Variants in NXPH1 observed in about 807,000 individuals in gnomAD.
NXPH1 encodes the protein neurexophilin-1.
NXPH1 carries 5 observed loss-of-function variants against 23.7 expected under a neutral mutation model. The observed-to-expected ratio is 0.21, with a 90% confidence interval of 0.11 to 0.44. The LOEUF is 0.44. Ranked by LOEUF, NXPH1 falls within the 20% of genes least tolerant of loss-of-function variation. NXPH1 has a pLI of 0.99. For missense variants in NXPH1, 324 were observed against 321.6 expected (o/e 1.01, Z -0.06); for synonymous variants, 144 against 122.2 (o/e 1.18, Z -1.18).
chr7:8,605,790 C>A (rs2128628369), intron 2 of NXPH1, among the ~76,000 whole-genome samples: 1 of 152,096 alleles, frequency 6.6e-6, no homozygotes, highest in Non-Finnish European at 1.5e-5. Context: ...GAAAAAGCAT[C>A]AAAAGGCATC....
chr7:8,701,006 C>T (rs192015768), intron 2 of NXPH1, among the ~76,000 whole-genome samples: 2 of 151,996 alleles, frequency 1.3e-5, no homozygotes, highest in East Asian at 3.9e-4. Flanking sequence ...TTTTTTGGAA[C>T]ACAGCCACAC....
At chr7:8,514,917 G>A (rs1275656646) in intron 2 of NXPH1, among the ~76,000 whole-genome samples, 3 of 151,964 alleles carry the variant, frequency 2.0e-5, no homozygotes, top group Non-Finnish European at 4.4e-5. Flanking sequence ...AATGTTTTAC[G>A]GTCAGTTTAA....
At chr7:8,484,573 G>T (rs1034538867) in intron 2 of NXPH1, among the ~76,000 whole-genome samples, 5 of 152,130 alleles carry the variant, frequency 3.3e-5, no homozygotes, top group Admixed American at 3.3e-4. Flanking sequence ...GTTTTAAACT[G>T]TATGCAACAT....
In NXPH1 at chr7:8,479,491, C is replaced by T. The variant is rs557728188; in HGVS notation, c.54+43724C>T. 7.3e-4 allele frequency among the ~76,000 whole-genome samples: 111 copies of T among 152,228 alleles called. 1 individual carries two copies. Among genetic ancestry groups the T allele is most frequent in the African/African-American group, 2.5e-3 (106 of 41,570 alleles). On this transcript the variant is annotated intron_variant, in intron 2 of 2. Coordinates refer to ENST00000405863, the MANE Select transcript of NXPH1 (RefSeq NM_152745.3). ...AAGAGTATGAACTCAAGACGTCTTTCATATGTATAAATGTATATCTTTGTA... is the reference window on the plus strand; with the variant it reads ...AAGAGTATGAACTCAAGACGTCTTTTATATGTATAAATGTATATCTTTGTA...
intron 2 of NXPH1, among the ~76,000 whole-genome samples, chr7:8,571,168 T>C (rs1024849335): frequency 1.3e-5 from 2 of 151,872 alleles, no homozygotes; most frequent in African/African-American, 4.8e-5. Flanking sequence ...CCAGGTGAGC[T>C]ATAGCATGTT....
chr7:8,582,126 T>C (rs1818889101), intron 2 of NXPH1, among the ~76,000 whole-genome samples: 3 of 152,192 alleles, frequency 2.0e-5, no homozygotes. Flanking sequence ...TCAGATGTAC[T>C]GCACGCAGCT....
At chr7:8,685,767 G>A (rs1821136889) in intron 2 of NXPH1, among the ~76,000 whole-genome samples, 1 of 152,086 alleles carries the variant, frequency 6.6e-6, no homozygotes, top group Non-Finnish European at 1.5e-5. Flanking sequence ...GGTTACCAGA[G>A]CCTGGGAAGG....
At chr7:8,526,931 A>T (rs1013350660) in intron 2 of NXPH1, among the ~76,000 whole-genome samples, 3 of 152,194 alleles carry the variant, frequency 2.0e-5, no homozygotes, top group African/African-American at 7.2e-5. Flanking sequence ...TTCTTGGAAG[A>T]CAGGGGCTAT....
chr7:8,745,309 T>G (rs1026942313), intron 2 of NXPH1, among the ~76,000 whole-genome samples: 6 of 152,188 alleles, frequency 3.9e-5, no homozygotes, highest in African/African-American at 7.2e-5. Flanking sequence ...CCATATGCAT[T>G]ATCTCACATA....
intron 2 of NXPH1, among the ~76,000 whole-genome samples, chr7:8,529,994 A>G (rs1817925053): frequency 6.6e-6 from 1 of 152,220 alleles, no homozygotes; most frequent in Non-Finnish European, 1.5e-5. Context: ...CTTTGAAGTA[A>G]TCACTAGTTA....
intron 2 of NXPH1, among the ~76,000 whole-genome samples, chr7:8,716,585 A>G (rs1779882236): frequency 6.6e-6 from 1 of 152,202 alleles, no homozygotes. Flanking sequence ...AGATAAGAAA[A>G]ATTTAAACTT....
At position 8,583,512 on chromosome 7, in the gene NXPH1, C is replaced by CATT. The variant is rs368929886; in HGVS notation, c.54+147759_54+147761dup. ...TAAGCATTCAATGCATGTTTGCTAT[C>CATT]ATTATTATTATTATTACCCCATTAT... On this transcript the variant is annotated intron_variant, in intron 2 of 2. Transcript: ENST00000405863. Among the ~76,000 whole-genome samples the CATT allele has an allele frequency of 2.6e-3, 393 of 152,178 alleles. 6 individuals carry two copies. The highest frequency in any genetic ancestry group is 9.3e-4 in the Non-Finnish European group (63 of 68,006).
At chr7:8,485,898 G>A (rs1245348825) in intron 2 of NXPH1, among the ~76,000 whole-genome samples, 2 of 152,098 alleles carry the variant, frequency 1.3e-5, no homozygotes, top group Non-Finnish European at 2.9e-5. Flanking sequence ...TAGAACAGCA[G>A]CTGCCAGAAC....
At chr7:8,659,926 C>T (rs574332744) in intron 2 of NXPH1, among the ~76,000 whole-genome samples, 21 of 152,202 alleles carry the variant, frequency 1.4e-4, no homozygotes, top group African/African-American at 4.6e-4. Context: ...AATGATTGTG[C>T]AGATAAACAA....
chr7:8,612,026 C>T (rs1433240990), intron 2 of NXPH1, among the ~76,000 whole-genome samples: 2 of 151,950 alleles, frequency 1.3e-5, no homozygotes, highest in African/African-American at 4.8e-5. Context: ...TTGAAGTTTC[C>T]AGAGTAATAA....
intron 2 of NXPH1, among the ~76,000 whole-genome samples, chr7:8,519,113 G>C (rs1290836855): frequency 6.6e-6 from 1 of 152,042 alleles, no homozygotes; most frequent in Non-Finnish European, 1.5e-5. Context: ...TGAGCAGTAT[G>C]GCTAAGCCTC....
intron 2 of NXPH1, among the ~76,000 whole-genome samples, chr7:8,531,702 C>T (rs1437537601): frequency 6.6e-6 from 1 of 152,160 alleles, no homozygotes; most frequent in Non-Finnish European, 1.5e-5. Context: ...TAGAACAATA[C>T]ATGGCACATA....
At chr7:8,620,214 C>A (rs1312928880) in intron 2 of NXPH1, among the ~76,000 whole-genome samples, 1 of 152,156 alleles carries the variant, frequency 6.6e-6, no homozygotes, top group Admixed American at 6.5e-5. Flanking sequence ...GATTAAGTCA[C>A]TCAGTGAGTT....
chr7:8,746,390 G>A (rs927589345), intron 2 of NXPH1, among the ~76,000 whole-genome samples: 3 of 152,142 alleles, frequency 2.0e-5, no homozygotes, highest in African/African-American at 7.2e-5. Flanking sequence ...GTTCCAGAGA[G>A]GCTTCCTGAC....
Sources: gnomAD v4.1 joint callset for allele counts (sites outside exome capture counted in the v4.1 genomes callset) on GRCh38, gnomAD v4.1.1 for gene constraint, MANE v1.5 for transcripts, NCBI Gene and HGNC (gene_info 2026-07-23, HGNC 2026-07-21) for gene names.